Variants in BTRC observed in about 807,000 individuals in gnomAD.
BTRC encodes F-box/WD repeat-containing protein 1A.
Under a neutral mutation model 85.5 loss-of-function variants are expected in BTRC, and 42 were observed. The observed-to-expected ratio is 0.49, with a 90% CI of 0.38 to 0.64. The LOEUF is 0.64. Ranked by LOEUF, BTRC falls within the 30% of genes least tolerant of loss-of-function variation. The pLI is 0.00. For missense variants in BTRC, 594 were observed against 743.5 expected (o/e 0.80, Z 2.34); for synonymous variants, 255 against 263.3 (o/e 0.97, Z 0.30).
At chr10:101,433,937 A>G (rs1396527850) in intron 2 of BTRC, among the ~76,000 whole-genome samples, 2 of 152,128 alleles carry the variant, frequency 1.3e-5, no homozygotes, top group Non-Finnish European at 2.9e-5. Context: ...GATATTCACT[A>G]TATTTGTAAT....
chr10:101,414,585 G>A (rs1390106302), intron 1 of BTRC: 7 of 509,704 alleles, frequency 1.4e-5, no homozygotes, highest in Non-Finnish European at 2.7e-5. Context: ...AGGTCCTTCA[G>A]GAGGTATTCC....
intron 1 of BTRC, among the ~76,000 whole-genome samples, chr10:101,356,907 G>A (rs527259702): frequency 2.6e-5 from 4 of 152,246 alleles, no homozygotes; most frequent in Admixed American, 1.3e-4. Context: ...GAGGCAGGCG[G>A]ATCACGAGGT....
intron 4 of BTRC, among the ~76,000 whole-genome samples, chr10:101,490,488 C>T (rs1214984277): frequency 1.3e-5 from 2 of 152,232 alleles, no homozygotes; most frequent in African/African-American, 4.8e-5. Flanking sequence ...CAAATTTTCA[C>T]ATCTTTAAAT....
At chr10:101,406,105 A>C (rs921100653) in intron 1 of BTRC, among the ~76,000 whole-genome samples, 1 of 151,170 alleles carries the variant, frequency 6.6e-6, no homozygotes, top group Non-Finnish European at 1.5e-5. Flanking sequence ...GTAGTGGTAC[A>C]TATACTTTTA....
At chr10:101,483,939 A>G (rs1344646426) in intron 4 of BTRC, among the ~76,000 whole-genome samples, 2 of 152,172 alleles carry the variant, frequency 1.3e-5, no homozygotes, top group Non-Finnish European at 2.9e-5. Flanking sequence ...TTATTAAACT[A>G]TTACTGCAAA....
chr10:101,391,780 C>A (rs1426890061), intron 1 of BTRC, among the ~76,000 whole-genome samples: 1 of 152,034 alleles, frequency 6.6e-6, no homozygotes, highest in East Asian at 1.9e-4. Context: ...TATTAAGGCA[C>A]AATATATACA....
upstream of BTRC, chr10:101,354,164 C>T (rs2134448541): frequency 1.3e-6 from 2 of 1,548,820 alleles, no homozygotes; most frequent in Middle Eastern, 2.3e-4. Flanking sequence ...AGAGCGGACC[C>T]AGTGGCCTCG....
At chr10:101,532,794 G>GCA (rs1564831045) in intron 8 of BTRC, among the ~76,000 whole-genome samples, 158 bp from the exon 9 acceptor site, 6 of 71,126 alleles carry the variant, frequency 8.4e-5, no homozygotes, top group African/African-American at 5.1e-4. Flanking sequence ...GTGTGTGCGC[G>GCA]TGTGCGCGCG....
At chr10:101,398,359 G>A (rs1485547081) in intron 1 of BTRC, among the ~76,000 whole-genome samples, 1 of 151,806 alleles carries the variant, frequency 6.6e-6, no homozygotes, top group East Asian at 1.9e-4. Flanking sequence ...CTGGAGTACA[G>A]TGGCGCGATC....
intron 3 of BTRC, among the ~76,000 whole-genome samples, chr10:101,478,530 C>T (rs1340314436): frequency 6.6e-6 from 1 of 151,374 alleles, no homozygotes; most frequent in Non-Finnish European, 1.5e-5. Flanking sequence ...ATGGCTCGTC[C>T]CTGTAATCCC....
At chr10:101,451,358 C>A (rs963652335) in intron 2 of BTRC, among the ~76,000 whole-genome samples, 1 of 151,978 alleles carries the variant, frequency 6.6e-6, no homozygotes, top group African/African-American at 2.4e-5. Context: ...TTTTCTGTTA[C>A]AGCATTACCA....
At chr10:101,550,924 G>A (rs1369391084) in intron 14 of BTRC, 33 bp downstream of exon 14, 1 of 1,515,880 alleles carries the variant, frequency 6.6e-7, no homozygotes, top group Non-Finnish European at 9.0e-7. Flanking sequence ...TAACACTGTG[G>A]GTAGGAGACG....
chr10:101,430,319 A>G (rs370471673), intron 1 of BTRC, 26 bp from the exon 2 acceptor site: 3 of 1,546,530 alleles, frequency 1.9e-6, no homozygotes, highest in South Asian at 2.3e-5. Flanking sequence ...ATACTGTCCC[A>G]TCTCATAGTT....
rs569911951 is a variant in BTRC, at chr10:101,360,605, A to G, written c.48+6377A>G. Among the ~76,000 whole-genome samples the G allele has an allele frequency of 2.0e-5, 3 of 152,046 alleles. No homozygotes were observed. In the East Asian group the frequency reaches 5.8e-4, roughly 29 times the overall value. ...AGGCTATTCTTGAACTCCTGACCTC[A>G]GGTGATCCGACCGCCTCGGCCTCCC... On this transcript the variant is annotated intron_variant, in intron 1 of 14. Transcript: ENST00000370187.
intron 3 of BTRC, among the ~76,000 whole-genome samples, chr10:101,473,141 TTTTTC>T (rs1238699451): frequency 6.6e-6 from 1 of 151,868 alleles, no homozygotes; most frequent in African/African-American, 2.4e-5. Context: ...CGATCTTTTT[TTTTTC>T]TTTTCTTAAT....
intron 1 of BTRC, among the ~76,000 whole-genome samples, chr10:101,365,778 T>A (rs1344037052): frequency 2.0e-5 from 3 of 152,186 alleles, no homozygotes; most frequent in Admixed American, 1.3e-4. Flanking sequence ...TGCCTAGACT[T>A]CTTTCAATTC....
intron 3 of BTRC, among the ~76,000 whole-genome samples, chr10:101,475,320 A>T (rs1007867814): frequency 1.2e-4 from 18 of 152,336 alleles, no homozygotes; most frequent in African/African-American, 4.1e-4. Flanking sequence ...CAGGTGGATC[A>T]ATTAAGGTCA....
At chr10:101,512,389 T>G (rs1192544513) in intron 4 of BTRC, among the ~76,000 whole-genome samples, 1 of 152,240 alleles carries the variant, frequency 6.6e-6, no homozygotes, top group African/African-American at 2.4e-5. Context: ...TCATAAATAC[T>G]TTGTTCATCT....
At chr10:101,443,249 T>C (rs1374639171) in intron 2 of BTRC, among the ~76,000 whole-genome samples, 1 of 152,152 alleles carries the variant, frequency 6.6e-6, no homozygotes, top group Non-Finnish European at 1.5e-5. Flanking sequence ...TAAACCCTCC[T>C]AAGTGAAGTC....
Sources: gnomAD v4.1 joint callset for allele counts (sites outside exome capture counted in the v4.1 genomes callset) on GRCh38, gnomAD v4.1.1 for gene constraint, MANE v1.5 for transcripts, NCBI Gene and HGNC (gene_info 2026-07-23, HGNC 2026-07-21) for gene names.